EPB41L2: variants seen among roughly 807,000 people sequenced by gnomAD.
The protein encoded by EPB41L2 is band 4.1-like protein 2.
EPB41L2 carries 43 observed loss-of-function variants against 113.0 expected under a neutral mutation model. The ratio of observed to expected loss-of-function variants is 0.38; its 90% CI spans 0.30 to 0.49. EPB41L2 has a LOEUF of 0.49. Ranked by LOEUF, EPB41L2 falls within the 20% of genes least tolerant of loss-of-function variation. The probability of loss-of-function intolerance (pLI) is 0.95; values close to 1 mark genes in which losing one functional copy is unlikely to be tolerated. For missense variants in EPB41L2, 1,147 were observed against 1,223.4 expected (o/e 0.94, Z 0.93); for synonymous variants, 442 against 436.7 (o/e 1.01, Z -0.15).
At chr6:130,857,012 C>A (rs1780447949) in intron 19 of EPB41L2, among the ~76,000 whole-genome samples, 1 of 151,958 alleles carries the variant, frequency 6.6e-6, no homozygotes, top group Non-Finnish European at 1.5e-5. Context: ...TAAAATGTGA[C>A]AAATACCCTT....
At chr6:130,878,556 G>A (rs551720104) in intron 13 of EPB41L2, 27 of 231,332 alleles carry the variant, frequency 1.2e-4, no homozygotes, top group African/African-American at 4.9e-4. Flanking sequence ...AAGATGACAT[G>A]GAACTGATCA....
intron 1 of EPB41L2, among the ~76,000 whole-genome samples, chr6:131,021,834 C>G (rs1045740287): frequency 1.3e-5 from 2 of 152,048 alleles, no homozygotes; most frequent in Non-Finnish European, 2.9e-5. Context: ...AAGGACGAAC[C>G]CAGACAGTCA....
chr6:130,940,910 T>C (rs936037890), intron 3 of EPB41L2, among the ~76,000 whole-genome samples: 1 of 152,198 alleles, frequency 6.6e-6, no homozygotes, highest in African/African-American at 2.4e-5. Context: ...ATTTGACTCA[T>C]ATGTTTATGT....
At chr6:130,890,190 C>CTG in intron 11 of EPB41L2, 104 bp downstream of exon 11, 1 of 1,241,356 alleles carries the variant, frequency 8.1e-7, no homozygotes, top group Non-Finnish European at 1.1e-6. Flanking sequence ...ATGGCTATCC[C>CTG]TGTAGGGTAT....
intron 3 of EPB41L2, among the ~76,000 whole-genome samples, chr6:130,944,116 G>T (rs1811858693): frequency 6.6e-6 from 1 of 150,806 alleles, no homozygotes; most frequent in African/African-American, 2.4e-5. Context: ...ATAATGGACA[G>T]CAGTCGCAAT....
At chr6:130,997,753 G>A (rs1783480704) in intron 1 of EPB41L2, among the ~76,000 whole-genome samples, 1 of 152,090 alleles carries the variant, frequency 6.6e-6, no homozygotes, top group African/African-American at 2.4e-5. Context: ...TTGCATTTCA[G>A]GGGGGAAAAG....
intron 1 of EPB41L2, among the ~76,000 whole-genome samples, chr6:131,027,829 C>G (rs1472024103): frequency 6.6e-6 from 1 of 152,052 alleles, no homozygotes; most frequent in Non-Finnish European, 1.5e-5. Flanking sequence ...AAAATTAAAA[C>G]CAAACTGCAA....
At chr6:131,036,053 G>A (rs1793239782) in intron 1 of EPB41L2, among the ~76,000 whole-genome samples, 1 of 152,196 alleles carries the variant, frequency 6.6e-6, no homozygotes, top group Admixed American at 6.5e-5. Context: ...TGTGACCTGG[G>A]TGATGGGCAG....
At chr6:130,971,987 A>T (rs1776911773) in intron 1 of EPB41L2, among the ~76,000 whole-genome samples, 1 of 152,206 alleles carries the variant, frequency 6.6e-6, no homozygotes, top group South Asian at 2.1e-4. Flanking sequence ...GTAGCTATAA[A>T]GCTGTTAAAT....
chr6:130,848,199 TCACACACACA>T (rs66469665), intron 19 of EPB41L2, among the ~76,000 whole-genome samples: 6,195 of 113,426 alleles, frequency 0.055, 132 homozygotes, highest in Non-Finnish European at 0.065. Flanking sequence ...TCTCTCTCTC[TCACACACACA>T]CACACACACA....
intron 1 of EPB41L2, among the ~76,000 whole-genome samples, chr6:130,972,036 A>G (rs1325796723): frequency 6.6e-6 from 1 of 152,152 alleles, no homozygotes; most frequent in African/African-American, 2.4e-5. Flanking sequence ...AGACATGACT[A>G]AAAATGGCCA....
intron 11 of EPB41L2, 73 bp from the exon 12 acceptor site, chr6:130,885,341 A>G: frequency 6.8e-7 from 1 of 1,468,820 alleles, no homozygotes; most frequent in Non-Finnish European, 9.5e-7. Flanking sequence ...TTTCCCCCTT[A>G]CAGGAGATAA....
At chr6:131,053,299 T>C (rs1562806847) in intron 1 of EPB41L2, among the ~76,000 whole-genome samples, 1 of 147,144 alleles carries the variant, frequency 6.8e-6, no homozygotes, top group Non-Finnish European at 1.5e-5. Flanking sequence ...CACCAGAAAA[T>C]AAAACCAAAA....
chr6:130,989,279 T>C (rs1202385032), intron 1 of EPB41L2, among the ~76,000 whole-genome samples: 1 of 152,194 alleles, frequency 6.6e-6, no homozygotes. Context: ...TTCTCCCCAA[T>C]TGACTCTCTA....
At chr6:130,945,215 C>T (rs2128595974) in intron 3 of EPB41L2, among the ~76,000 whole-genome samples, 1 of 152,206 alleles carries the variant, frequency 6.6e-6, no homozygotes, top group South Asian at 2.1e-4. Context: ...TAGTAAGTGT[C>T]AGTACTATAG....
intron 11 of EPB41L2, among the ~76,000 whole-genome samples, chr6:130,887,173 T>C (rs1791307276): frequency 6.6e-6 from 1 of 152,212 alleles, no homozygotes; most frequent in Non-Finnish European, 1.5e-5. Context: ...TGACTTTGCA[T>C]ACTTTTAAAC....
At chr6:130,890,522 T>G in intron 10 of EPB41L2, 56 bp from the exon 11 acceptor site, 1 of 1,533,784 alleles carries the variant, frequency 6.5e-7, no homozygotes, top group Non-Finnish European at 8.7e-7. Flanking sequence ...AAAATTAGAC[T>G]TTACGGAATT....
intron 3 of EPB41L2, among the ~76,000 whole-genome samples, chr6:130,949,842 T>C (rs997154322): frequency 6.6e-6 from 1 of 152,152 alleles, no homozygotes; most frequent in African/African-American, 2.4e-5. Context: ...AATGGAGACC[T>C]TAATGATAAT....
intron 1 of EPB41L2, among the ~76,000 whole-genome samples, chr6:131,061,679 C>G (rs9483209): frequency 6.6e-6 from 1 of 152,074 alleles, no homozygotes; most frequent in African/African-American, 2.4e-5. Flanking sequence ...CTAGCCCCTG[C>G]AGCATAGAAA....
Sources: gnomAD v4.1 joint callset for allele counts (sites outside exome capture counted in the v4.1 genomes callset) on GRCh38, gnomAD v4.1.1 for gene constraint, MANE v1.5 for transcripts, NCBI Gene and HGNC (gene_info 2026-07-23, HGNC 2026-07-21) for gene names.